Variants in FAM193A observed in about 807,000 individuals in gnomAD.
FAM193A encodes the protein protein FAM193A.
FAM193A carries 22 observed loss-of-function variants against 126.5 expected under a neutral mutation model. The ratio of observed to expected loss-of-function variants is 0.17; its 90% CI spans 0.12 to 0.25. The LOEUF (loss-of-function observed/expected upper bound fraction) is 0.25, where lower values mean the gene tolerates loss of function less well. Among genes scored for constraint, FAM193A ranks in the 10% least tolerant of loss-of-function variants. The pLI, the probability that FAM193A is intolerant of heterozygous loss-of-function variation, is 1.00. For synonymous variants in FAM193A, 761 were observed against 646.8 expected (o/e 1.18, Z -2.68); for missense variants, 1,675 against 1,672.8 (o/e 1.00, Z -0.02).
chr4:2,625,855 C>A (rs146613829), intron 3 of FAM193A, among the ~76,000 whole-genome samples: 1 of 151,514 alleles, frequency 6.6e-6, no homozygotes, highest in East Asian at 2.0e-4. Context: ...GTCCCGGTAT[C>A]TGGGACTACA....
chr4:2,666,638 G>A (rs761365140), intron 12 of FAM193A, among the ~76,000 whole-genome samples: 1 of 151,996 alleles, frequency 6.6e-6, no homozygotes, highest in Non-Finnish European at 1.5e-5. Context: ...CTGTAGGCCT[G>A]GTCTCTTTTT....
chr4:2,709,355 TTTTG>T (rs757676798), intron 19 of FAM193A, among the ~76,000 whole-genome samples: 2 of 152,204 alleles, frequency 1.3e-5, no homozygotes, highest in Non-Finnish European at 2.9e-5. Context: ...TGACTTCCGT[TTTTG>T]TTCTGTCTGT....
At chr4:2,540,271 C>T (rs1402222038) in intron 1 of FAM193A, among the ~76,000 whole-genome samples, 2 of 151,982 alleles carry the variant, frequency 1.3e-5, no homozygotes, top group Non-Finnish European at 2.9e-5. Context: ...AGATCGAGAC[C>T]ATCCTGGCTA....
In FAM193A at chr4:2,630,978, C is replaced by G; in HGVS notation, c.847C>G (p.Gln283Glu). 6.2e-7 allele frequency: 1 copy of G among 1,613,262 alleles called. No individual in the cohort carries two copies. The highest frequency in any genetic ancestry group is 8.5e-7 in the Non-Finnish European group (1 of 1,179,900). Reference sequence around the variant, plus strand: ...CTACCAGCTGTACCAGCGTCTGGAACAGCAAGCTCGAGAGTATGTGCTGGA... The same window carrying G: ...CTACCAGCTGTACCAGCGTCTGGAAGAGCAAGCTCGAGAGTATGTGCTGGA... Reference protein sequence around the residue: ...DPYQLYQRLEQQAREYVLEMK... With the variant: ...DPYQLYQRLEEQAREYVLEMK... The change falls in exon 5 of 21, where the codon CAG becomes GAG. Residue 283 changes from glutamine (Q) to glutamate (E), a missense_variant. This residue lies in a region of FAM193A where 1,186 missense variants were observed against 1,109.2 expected (regional missense o/e 1.07). Coordinates refer to ENST00000637812, the MANE Select transcript of FAM193A (RefSeq NM_001366318.2).
At chr4:2,607,921 T>C in intron 2 of FAM193A, 2 of 1,179,540 alleles carry the variant, frequency 1.7e-6, no homozygotes, top group South Asian at 2.8e-5. Context: ...CACTATGTGA[T>C]GGTGTCGCTT....
intron 7 of FAM193A, among the ~76,000 whole-genome samples, chr4:2,656,881 G>A (rs1029993191): frequency 3.9e-5 from 6 of 152,284 alleles, no homozygotes; most frequent in African/African-American, 1.4e-4. Flanking sequence ...ACAATCTTCT[G>A]GCCAGGCGGG....
chr4:2,628,071 G>T (rs11489113), intron 4 of FAM193A, among the ~76,000 whole-genome samples: 53 of 151,892 alleles, frequency 3.5e-4, no homozygotes, highest in Admixed American at 1.6e-3. Context: ...ATTTTTAGTA[G>T]AGACAGGGTT....
intron 2 of FAM193A, among the ~76,000 whole-genome samples, chr4:2,621,582 T>G (rs1742547493): frequency 1.3e-5 from 2 of 152,292 alleles, no homozygotes; most frequent in South Asian, 2.1e-4. Flanking sequence ...GTGATCTCAC[T>G]CTGCTGCTGC....
At position 2,537,764 on chromosome 4, in the gene FAM193A, A is replaced by C. The variant is rs558752784; in HGVS notation, c.255+594A>C. On this transcript the variant is annotated intron_variant, in intron 1 of 20. Transcript: ENST00000637812. ...TATGTGGTTATTTGAAATCTACCTG[A>C]CAGCCACCTGGAGCTGGCAGCCCTG... Among the ~76,000 whole-genome samples, 4 of 152,334 alleles carry C rather than the reference A, an allele frequency of 2.6e-5. No homozygotes were observed. In the South Asian group the frequency reaches 8.3e-4, roughly 32 times the overall value.
chr4:2,680,251 G>A (rs1196637958), intron 13 of FAM193A, among the ~76,000 whole-genome samples: 2 of 152,194 alleles, frequency 1.3e-5, no homozygotes, highest in Non-Finnish European at 2.9e-5. Context: ...CGTCTTGATA[G>A]GTTTTGTGTT....
At chr4:2,570,524 C>G (rs1004713401) in intron 1 of FAM193A, among the ~76,000 whole-genome samples, 1 of 152,182 alleles carries the variant, frequency 6.6e-6, no homozygotes, top group African/African-American at 2.4e-5. Context: ...AACTGTTACC[C>G]TCCTTGCAGA....
At chr4:2,701,352 A>G (rs1178083656) in intron 19 of FAM193A, among the ~76,000 whole-genome samples, 2 of 149,144 alleles carry the variant, frequency 1.3e-5, no homozygotes, top group Non-Finnish European at 3.0e-5. Flanking sequence ...CCCATGTCGT[A>G]TCTCTTTAAT....
intron 1 of FAM193A, among the ~76,000 whole-genome samples, chr4:2,551,814 T>G (rs1737937540): frequency 6.6e-6 from 1 of 151,904 alleles, no homozygotes; most frequent in Non-Finnish European, 1.5e-5. Context: ...TTATTTGCTT[T>G]GGGTTTGTTT....
At chr4:2,566,595 A>G (rs1186345127) in intron 1 of FAM193A, among the ~76,000 whole-genome samples, 1 of 152,068 alleles carries the variant, frequency 6.6e-6, no homozygotes, top group African/African-American at 2.4e-5. Flanking sequence ...AGGCTGAGGC[A>G]GGAGAATCAC....
At chr4:2,536,227 G>A (rs1049236817), upstream of FAM193A, among the ~76,000 whole-genome samples, 1 of 151,624 alleles carries the variant, frequency 6.6e-6, no homozygotes, top group African/African-American at 2.4e-5. Context: ...GCCGCCAGCC[G>A]TGTAGTTTGC....
At chr4:2,563,137 G>GT (rs1487099327) in intron 1 of FAM193A, among the ~76,000 whole-genome samples, 1 of 151,270 alleles carries the variant, frequency 6.6e-6, no homozygotes, top group Non-Finnish European at 1.5e-5. Flanking sequence ...TAGAGATGAG[G>GT]TTTCACCATG....
chr4:2,573,445 G>A (rs1210335174), intron 1 of FAM193A, among the ~76,000 whole-genome samples: 34 of 151,872 alleles, frequency 2.2e-4, no homozygotes, highest in South Asian at 2.1e-4. Flanking sequence ...CCCAGGAGGC[G>A]GAGGTTGCAG....
intron 5 of FAM193A, among the ~76,000 whole-genome samples, chr4:2,636,719 A>G (rs1744126437): frequency 6.6e-6 from 1 of 152,230 alleles, no homozygotes; most frequent in Admixed American, 6.5e-5. Context: ...ACAGCAGCAA[A>G]TGCAAATTTT....
chr4:2,726,803 A>G (rs909875680), intron 20 of FAM193A, among the ~76,000 whole-genome samples: 1 of 141,912 alleles, frequency 7.0e-6, no homozygotes, highest in African/African-American at 2.8e-5. Context: ...AAAAAAAAAA[A>G]GCCGGGTGTG....
Sources: allele counts gnomAD v4.1 joint callset (sites outside exome capture counted in the v4.1 genomes callset), GRCh38; gene constraint gnomAD v4.1.1; regional missense constraint gnomAD v4.1.1; transcripts MANE v1.5; gene names NCBI Gene and HGNC (gene_info 2026-07-23, HGNC 2026-07-21).